The following DENND1A variants were observed in gnomAD, a reference collection of about 807,000 sequenced individuals.
The protein encoded by DENND1A is DENN domain-containing protein 1A.
In DENND1A, 51 loss-of-function variants were observed where a neutral mutation model predicts 113.7. The ratio of observed to expected loss-of-function variants is 0.45; its 90% CI spans 0.36 to 0.57. The LOEUF is 0.57. DENND1A is among the 20% of genes least tolerant of loss of function. The probability of loss-of-function intolerance (pLI) is 0.00; values close to 1 mark genes in which losing one functional copy is unlikely to be tolerated. For synonymous variants in DENND1A, 565 were observed against 570.8 expected (o/e 0.99, Z 0.14); for missense variants, 1,258 against 1,395.9 (o/e 0.90, Z 1.57).
At chr9:123,573,575 T>A (rs528246612) in intron 12 of DENND1A, among the ~76,000 whole-genome samples, 2 of 152,248 alleles carry the variant, frequency 1.3e-5, no homozygotes, top group South Asian at 4.1e-4. Context: ...AATGGTACTT[T>A]AAAAAATCTC....
At chr9:123,588,633 A>AAGGGGGG in intron 11 of DENND1A, among the ~76,000 whole-genome samples, 1 of 86,446 alleles carries the variant, frequency 1.2e-5, no homozygotes, top group Non-Finnish European at 2.3e-5. Context: ...AAAAAAAAAA[A>AAGGGGGG]GGGGGGGGGG....
chr9:123,546,314 C>T (rs2056677693), intron 13 of DENND1A, among the ~76,000 whole-genome samples: 2 of 151,786 alleles, frequency 1.3e-5, no homozygotes, highest in South Asian at 4.1e-4. Context: ...TTTGGGAGGC[C>T]AAGGTGGGCA....
chr9:123,734,705 G>A (rs1373426368), intron 5 of DENND1A, among the ~76,000 whole-genome samples: 1 of 152,170 alleles, frequency 6.6e-6, no homozygotes, highest in Admixed American at 6.5e-5. Context: ...CGGGACTGCT[G>A]TGAAGAGTGG....
intron 1 of DENND1A, among the ~76,000 whole-genome samples, chr9:123,889,459 C>T (rs1849588338): frequency 6.6e-6 from 1 of 152,070 alleles, no homozygotes; most frequent in Admixed American, 6.6e-5. Flanking sequence ...CTGTGTATTT[C>T]AAAGACTCAA....
At chr9:123,500,846 C>G (rs1182205124) in intron 13 of DENND1A, among the ~76,000 whole-genome samples, 1 of 152,208 alleles carries the variant, frequency 6.6e-6, no homozygotes, top group Non-Finnish European at 1.5e-5. Context: ...AACCAGTGGG[C>G]TCAACTTAGC....
At chr9:123,866,747 AC>A (rs1335783019) in intron 2 of DENND1A, among the ~76,000 whole-genome samples, 7 of 152,194 alleles carry the variant, frequency 4.6e-5, no homozygotes, top group Admixed American at 4.6e-4. Context: ...AATTTACAAA[AC>A]AACCTGCCAA....
At chr9:123,555,402 G>A (rs895081113) in intron 13 of DENND1A, among the ~76,000 whole-genome samples, 8 of 152,176 alleles carry the variant, frequency 5.3e-5, no homozygotes, top group African/African-American at 1.7e-4. Flanking sequence ...ATCCTCTCCT[G>A]CAGCCCCATC....
At chr9:123,792,565 A>G (rs113237886) in intron 3 of DENND1A, 22 bp downstream of exon 3, 60,223 of 1,610,060 alleles carry the variant, frequency 0.037, 1,574 homozygotes, top group Non-Finnish European at 0.041. Context: ...GTCATGTAAA[A>G]AATTAATTAC....
In DENND1A at chr9:123,431,108, T is replaced by C. The variant is rs2046101857; in HGVS notation, c.1488+9252A>G. 2.0e-5 allele frequency among the ~76,000 whole-genome samples: 3 copies of C among 152,192 alleles called. 1 individual carries two copies. The highest frequency in any genetic ancestry group is 4.1e-4 in the South Asian group (2 of 4,826). ...TAGCATAAGCCAACAATTTCTCTTTTGGATTTTATGTCTCATGTACCCTAA... is the reference window on the plus strand; with the variant it reads ...TAGCATAAGCCAACAATTTCTCTTTCGGATTTTATGTCTCATGTACCCTAA... On this transcript the variant is annotated intron_variant, in intron 19 of 23. Coordinates refer to ENST00000394215, the MANE Select transcript of DENND1A (RefSeq NM_001352964.2).
chr9:123,922,880 T>C (rs928249721), intron 1 of DENND1A, among the ~76,000 whole-genome samples: 2 of 152,252 alleles, frequency 1.3e-5, no homozygotes, highest in African/African-American at 4.8e-5. Context: ...ATATGTATTT[T>C]AACATATCTT....
At chr9:123,892,434 T>C (rs570265129) in intron 1 of DENND1A, among the ~76,000 whole-genome samples, 1 of 152,180 alleles carries the variant, frequency 6.6e-6, no homozygotes, top group Admixed American at 6.5e-5. Flanking sequence ...AGACAAAACA[T>C]ATGAAACAAT....
At chr9:123,588,771 T>C (rs1342856857) in intron 11 of DENND1A, among the ~76,000 whole-genome samples, 3 of 126,890 alleles carry the variant, frequency 2.4e-5, no homozygotes, top group Non-Finnish European at 5.1e-5. Flanking sequence ...TAATTCTATT[T>C]TGTTTTTTTT....
chr9:123,649,702 A>G (rs889268695), intron 9 of DENND1A, among the ~76,000 whole-genome samples: 10 of 152,222 alleles, frequency 6.6e-5, no homozygotes, highest in African/African-American at 2.2e-4. Context: ...ATGCTGGCAT[A>G]AAGTTGCTAA....
At chr9:123,667,510 G>A (rs1044768023) in intron 7 of DENND1A, among the ~76,000 whole-genome samples, 5 of 152,132 alleles carry the variant, frequency 3.3e-5, no homozygotes, top group Non-Finnish European at 5.9e-5. Context: ...CCAGACACTC[G>A]GGAAGCTAAA....
chr9:123,472,737 GGTGT>G (rs1386558693), intron 13 of DENND1A, among the ~76,000 whole-genome samples: 1 of 151,952 alleles, frequency 6.6e-6, no homozygotes, highest in Non-Finnish European at 1.5e-5. Flanking sequence ...AGCCCCCCAA[GGTGT>G]GACCCTGCCC....
At chr9:123,864,025 G>A (rs1845467792) in intron 2 of DENND1A, among the ~76,000 whole-genome samples, 1 of 150,358 alleles carries the variant, frequency 6.7e-6, no homozygotes, top group African/African-American at 2.4e-5. Flanking sequence ...ATTATCGAGA[G>A]TTTCAAAGAC....
chr9:123,723,034 G>A (rs2141179373), intron 5 of DENND1A, among the ~76,000 whole-genome samples: 2 of 152,364 alleles, frequency 1.3e-5, no homozygotes, highest in Middle Eastern at 6.8e-3. Context: ...GAGGGTGGCT[G>A]TACCCTGCAA....
At chr9:123,854,553 G>T (rs1843864436) in intron 2 of DENND1A, among the ~76,000 whole-genome samples, 1 of 151,752 alleles carries the variant, frequency 6.6e-6, no homozygotes, top group South Asian at 2.1e-4. Context: ...AAATTAGCCG[G>T]GTATGGTGGC....
chr9:123,892,898 C>T (rs1850137970), intron 1 of DENND1A, among the ~76,000 whole-genome samples: 1 of 152,104 alleles, frequency 6.6e-6, no homozygotes, highest in Admixed American at 6.5e-5. Context: ...AGGAGAATTG[C>T]TTGAACCTGA....
Sources: allele counts gnomAD v4.1 joint callset (sites outside exome capture counted in the v4.1 genomes callset), GRCh38; gene constraint gnomAD v4.1.1; transcripts MANE v1.5; gene names NCBI Gene and HGNC (gene_info 2026-07-23, HGNC 2026-07-21).